Variants in ODAD1 observed in about 807,000 individuals in gnomAD.
ODAD1 encodes the protein outer dynein arm docking complex subunit 1, also known as outer dynein arm-docking complex subunit 1.
In ODAD1, 49 loss-of-function variants were observed where a neutral mutation model predicts 67.2. The ratio of observed to expected loss-of-function variants is 0.73; its 90% CI spans 0.58 to 0.92. ODAD1 has a LOEUF of 0.92. Among genes scored for constraint, ODAD1 ranks in the 40% least tolerant of loss-of-function variants. The pLI is 0.00. For missense variants in ODAD1, 897 were observed against 953.7 expected (o/e 0.94, Z 0.78); for synonymous variants, 345 against 393.7 (o/e 0.88, Z 1.46).
intron 12 of ODAD1, among the ~76,000 whole-genome samples, chr19:48,301,869 G>A (rs773116045): frequency 6.0e-5 from 9 of 150,000 alleles, no homozygotes; most frequent in South Asian, 2.1e-4. Context: ...ATGGATATAC[G>A]GACAGATGGA....
Position 48,303,771 on chromosome 19 carries a change from G to A in ODAD1, c.867C>T (p.Ala289=), listed in dbSNP as rs756114787. The A allele has an allele frequency of 1.1e-5, 17 of 1,610,588 alleles. No individual in the cohort carries two copies. Among genetic ancestry groups the A allele is most frequent in the South Asian group, 5.5e-5 (5 of 90,688 alleles). ...CCTGGGAGGTCTTCCAGACGCCCTCGGCCACCTCCCCGGCTAGGGGAAGAG... is the reference window on the plus strand; with the variant it reads ...CCTGGGAGGTCTTCCAGACGCCCTCAGCCACCTCCCCGGCTAGGGGAAGAG... ...EKREKQAGEV[A]EGVWKTSQER... The change falls in exon 10 of 16, where the codon GCC becomes GCT. Residue 289 remains alanine (A), a synonymous_variant. Coordinates refer to ENST00000674294, the MANE Select transcript of ODAD1 (RefSeq NM_001364171.2).
At chr19:48,300,385 AT>A (rs1971768525) in intron 12 of ODAD1, among the ~76,000 whole-genome samples, 1 of 152,196 alleles carries the variant, frequency 6.6e-6, no homozygotes, top group Non-Finnish European at 1.5e-5. Flanking sequence ...ATGCAAATCA[AT>A]TTGTCATAAG....
intron 4 of ODAD1, 47 bp downstream of exon 4, chr19:48,318,666 C>T (rs1347252592): frequency 2.6e-6 from 4 of 1,530,402 alleles, no homozygotes; most frequent in Admixed American, 2.0e-5. Flanking sequence ...GTCTTCAGCC[C>T]CTCTGACCCC....
At position 48,320,390 on chromosome 19, in the gene ODAD1, T is replaced by C. The variant is rs971259531; in HGVS notation, c.-22A>G. 2 of 1,284,310 alleles carry C rather than the reference T, an allele frequency of 1.6e-6. No homozygotes were observed. Among genetic ancestry groups the C allele is most frequent in the African/African-American group, 3.0e-5 (2 of 65,714 alleles). The allele number at this position is 1,284,310 out of a possible 1,614,324, so 79.6% of individuals were successfully genotyped here. A position where few individuals can be genotyped will look rare whatever the true frequency, so the allele number is the denominator to read the frequency against. On this transcript the variant is annotated splice_region_variant and 5_prime_UTR_variant, in exon 3 of 16. Coordinates refer to ENST00000674294, the MANE Select transcript of ODAD1 (RefSeq NM_001364171.2). ...GCATCCTGGCCAAACAGGGTGGGGC[T>C]CCTGTAGGGATGGACATATAAGACC...
intron 5 of ODAD1, among the ~76,000 whole-genome samples, chr19:48,313,585 T>C (rs937223441): frequency 8.5e-5 from 13 of 152,054 alleles, no homozygotes; most frequent in African/African-American, 3.1e-4. Context: ...GAGGTGTTCT[T>C]AGAAAAATGG....
intron 12 of ODAD1, among the ~76,000 whole-genome samples, chr19:48,301,597 T>C (rs1227328537): frequency 6.6e-6 from 1 of 152,204 alleles, no homozygotes; most frequent in Admixed American, 6.5e-5. Context: ...TAACTAAGAC[T>C]AAGACTAGGA....
At chr19:48,316,880 T>A (rs889964286) in intron 5 of ODAD1, among the ~76,000 whole-genome samples, 23 of 152,260 alleles carry the variant, frequency 1.5e-4, no homozygotes, top group African/African-American at 5.3e-4. Context: ...GTGCCTGTAA[T>A]CCCAGCTACT....
intron 5 of ODAD1, among the ~76,000 whole-genome samples, chr19:48,315,304 G>C (rs1968869021): frequency 6.6e-6 from 1 of 152,126 alleles, no homozygotes; most frequent in Non-Finnish European, 1.5e-5. Flanking sequence ...CAGCACTTTG[G>C]GAGGCTGAGG....
At chr19:48,297,741 AC>A in intron 14 of ODAD1, 73 bp from the exon 15 acceptor site, 1 of 1,253,958 alleles carries the variant, frequency 8.0e-7, no homozygotes, top group Non-Finnish European at 1.1e-6. Flanking sequence ...TTCCTGCTAA[AC>A]CCCGGGAGCC....
In ODAD1 at chr19:48,318,595, G is replaced by A. The variant is rs2147336796; in HGVS notation, c.171-19C>T. On this transcript the variant is annotated intron_variant, in intron 4 of 15. Coordinates refer to ENST00000674294, the MANE Select transcript of ODAD1 (RefSeq NM_001364171.2). ...CTCCTCACTACCCAGGCAGGGAGGT[G>A]GAAGAGGGGCCAGTAAGGGGGCAGA... 6.5e-7 allele frequency: 1 copy of A among 1,549,114 alleles called. No individual in the cohort carries two copies. The highest frequency in any genetic ancestry group is 8.7e-7 in the Non-Finnish European group (1 of 1,145,076).
chr19:48,309,099 C>T (rs967397096), intron 7 of ODAD1, among the ~76,000 whole-genome samples: 7 of 152,178 alleles, frequency 4.6e-5, no homozygotes, highest in Non-Finnish European at 8.8e-5. Flanking sequence ...CTCCCCACCC[C>T]GATCCCTGCA....
chr19:48,314,641 A>C (rs1001441988), intron 5 of ODAD1, among the ~76,000 whole-genome samples: 1 of 152,140 alleles, frequency 6.6e-6, no homozygotes, highest in African/African-American at 2.4e-5. Context: ...CTGCAATAAA[A>C]GCCAAATACC....
rs58966182 is a variant in ODAD1 at position 48,318,481 on chromosome 19, C to A, written c.266G>T (p.Arg89Leu). The A allele has an allele frequency of 7.1e-6, 11 of 1,551,660 alleles. No individual in the cohort carries two copies. The highest frequency in any genetic ancestry group is 8.7e-6 in the Non-Finnish European group (10 of 1,146,994). The change falls in exon 5 of 16, where the codon CGG (arginine) becomes CTG (leucine). Residue 89 changes from arginine to leucine, a missense_variant. Coordinates refer to ENST00000674294, the MANE Select transcript of ODAD1 (RefSeq NM_001364171.2). ...CAGCAGGCGGTCCATGTTCTCCAGCCGCTGACTGTCCCGAAGCCGCTTGAC... is the reference window on the plus strand; with the variant it reads ...CAGCAGGCGGTCCATGTTCTCCAGCAGCTGACTGTCCCGAAGCCGCTTGAC... The part of the protein sequence containing the change: ...NQVKRLRDSQ[R>L]LENMDRLLKG...
chr19:48,311,515 G>A (rs1968761714), intron 7 of ODAD1, 38 bp downstream of exon 7: 2 of 1,204,594 alleles, frequency 1.7e-6, no homozygotes, highest in Non-Finnish European at 1.2e-6. Context: ...CCTGCGCAGG[G>A]GTCCCTGTCT....
In ODAD1 at chr19:48,312,070, C is replaced by G. The variant is rs993241603; in HGVS notation, c.407G>C (p.Arg136Thr). 7 of 1,549,624 alleles carry G rather than the reference C, an allele frequency of 4.5e-6. No homozygotes were observed. In the African/African-American group the frequency reaches 8.2e-5, roughly 18 times the overall value. The change falls in exon 6 of 16, where the codon AGG (arginine) becomes ACG (threonine). Residue 136 changes from arginine to threonine, a missense_variant. By Grantham distance (71) the Arg-to-Thr change is moderately conservative (BLOSUM62 -1). Transcript: ENST00000674294. ...TRIFTHSKNVRSPGFILDQKV... is the reference protein window; with the variant it reads ...TRIFTHSKNVTSPGFILDQKV... Reference sequence around the variant, plus strand: ...CTGATCCAGGATGAATCCCGGGGACCTGACATTCTTACTGTGGGTAAAGAT... The same window carrying G: ...CTGATCCAGGATGAATCCCGGGGACGTGACATTCTTACTGTGGGTAAAGAT...
intron 5 of ODAD1, among the ~76,000 whole-genome samples, chr19:48,313,601 T>G (rs1968827736): frequency 6.6e-6 from 1 of 151,740 alleles, no homozygotes; most frequent in Non-Finnish European, 1.5e-5. Context: ...AATGGGAAAT[T>G]GCTGGGTGTG....
Position 48,297,045 on chromosome 19 carries a change from G to C in ODAD1, c.2055C>G (p.His685Gln). The change falls in exon 16 of 16, where the codon CAC becomes CAG. Residue 685 changes from histidine (H) to glutamine (Q), a missense_variant. By Grantham distance (24) the His-to-Gln change is conservative (BLOSUM62 0). Transcript: ENST00000674294. ...SSGGLGSSRD[H>Q]VSSTGPASST... ...TGGAGGCAGGGCCGGTGCTGGAGAC[G>C]TGGTCTCTGCTGGACCCGAGGCCTC... 1 of 1,612,732 alleles carries C rather than the reference G, an allele frequency of 6.2e-7. No individual in the cohort carries two copies. Among genetic ancestry groups the C allele is most frequent in the Non-Finnish European group, 8.5e-7 (1 of 1,179,886 alleles).
At chr19:48,313,301 A>G (rs912941415) in intron 5 of ODAD1, among the ~76,000 whole-genome samples, 3 of 151,642 alleles carry the variant, frequency 2.0e-5, no homozygotes, top group African/African-American at 7.3e-5. Flanking sequence ...GGTGGCAGGC[A>G]CCTGTAATCC....
chr19:48,302,577 G>A (rs1968494243), intron 12 of ODAD1, 117 bp downstream of exon 12: 1 of 764,512 alleles, frequency 1.3e-6, no homozygotes, highest in Non-Finnish European at 2.1e-6. Flanking sequence ...CAGATATGGG[G>A]CAACTGATAA....
Sources: allele counts gnomAD v4.1 joint callset (sites outside exome capture counted in the v4.1 genomes callset), GRCh38; gene constraint gnomAD v4.1.1; transcripts MANE v1.5; gene names NCBI Gene and HGNC (gene_info 2026-07-23, HGNC 2026-07-21).